The following FSTL4 variants were observed in gnomAD, a reference collection of about 807,000 sequenced individuals.
The protein encoded by FSTL4 is follistatin like 4, also known as follistatin-related protein 4.
FSTL4 carries 28 observed loss-of-function variants against 78.2 expected under a neutral mutation model. The observed-to-expected ratio is 0.36, with a 90% CI of 0.27 to 0.49. The LOEUF is 0.49. Among genes scored for constraint, FSTL4 ranks in the 20% least tolerant of loss-of-function variants. The pLI is 0.98. For missense variants in FSTL4, 922 were observed against 1,084.9 expected, an observed-to-expected ratio of 0.85 and a Z score of 2.11; for synonymous variants, 422 against 440.5, an observed-to-expected ratio of 0.96 and a Z score of 0.53.
At chr5:133,556,719 C>G (rs1043613103) in intron 3 of FSTL4, among the ~76,000 whole-genome samples, 6 of 152,076 alleles carry the variant, frequency 3.9e-5, no homozygotes, top group Admixed American at 6.6e-5. Flanking sequence ...GAGGTCCATC[C>G]CCCATCCTGT....
At chr5:133,838,145 C>T in the FSTL4 span, among the ~76,000 whole-genome samples, 2 of 152,178 alleles carry the variant, frequency 1.3e-5, no homozygotes. Flanking sequence ...CACTCAGCCT[C>T]CCAAAGTGCC....
At chr5:133,540,371 C>A (rs1316158033) in intron 3 of FSTL4, among the ~76,000 whole-genome samples, 1 of 152,050 alleles carries the variant, frequency 6.6e-6, no homozygotes, top group Admixed American at 6.6e-5. Flanking sequence ...TCAAGATAAA[C>A]CCTACCATTT....
intron 6 of FSTL4, among the ~76,000 whole-genome samples, chr5:133,304,835 G>A (rs1196776121): frequency 6.6e-6 from 1 of 152,176 alleles, no homozygotes; most frequent in Non-Finnish European, 1.5e-5. Flanking sequence ...TGTAATGGGG[G>A]ACAGAGATTG....
At chr5:133,531,472 G>C (rs1235194574) in intron 3 of FSTL4, among the ~76,000 whole-genome samples, 1 of 152,186 alleles carries the variant, frequency 6.6e-6, no homozygotes, top group Non-Finnish European at 1.5e-5. Flanking sequence ...CTGAGGGCCA[G>C]AGCTGAGTGT....
intron 3 of FSTL4, among the ~76,000 whole-genome samples, chr5:133,403,389 C>G (rs1756282259): frequency 6.6e-6 from 1 of 152,178 alleles, no homozygotes. Context: ...GCTACCAGCC[C>G]AAGTCCAAGT....
chr5:133,409,979 G>A (rs1000759080), intron 3 of FSTL4, among the ~76,000 whole-genome samples: 12 of 152,182 alleles, frequency 7.9e-5, no homozygotes, highest in Admixed American at 3.3e-4. Flanking sequence ...TCCCACATCT[G>A]TGAATTGAGG....
At chr5:133,321,967 C>G (rs1404441523) in intron 4 of FSTL4, among the ~76,000 whole-genome samples, 2 of 152,222 alleles carry the variant, frequency 1.3e-5, no homozygotes, top group African/African-American at 4.8e-5. Context: ...AGTGTTTTCT[C>G]TGAGTCTTGC....
intron 3 of FSTL4, among the ~76,000 whole-genome samples, chr5:133,459,754 AGGCTTT>A (rs71581363): frequency 0.28 from 42,379 of 151,882 alleles, 6,315 homozygotes; most frequent in East Asian, 0.46. Flanking sequence ...GCGTCAACTC[AGGCTTT>A]GGGAAGTGAA....
At chr5:133,684,910 C>T in the FSTL4 span, among the ~76,000 whole-genome samples, 4 of 152,274 alleles carry the variant, frequency 2.6e-5, no homozygotes, top group South Asian at 6.2e-4. Flanking sequence ...TGCTTCTTTC[C>T]AAAGAGAAGC....
At chr5:133,235,582 C>A (rs1751636160) in intron 7 of FSTL4, among the ~76,000 whole-genome samples, 1 of 150,844 alleles carries the variant, frequency 6.6e-6, no homozygotes, top group Admixed American at 6.6e-5. Context: ...TGGGGTAGGG[C>A]AAAGGCAGGA....
intron 3 of FSTL4, among the ~76,000 whole-genome samples, chr5:133,533,810 C>T (rs746136513): frequency 1.8e-4 from 27 of 152,114 alleles, no homozygotes; most frequent in Admixed American, 6.5e-4. Flanking sequence ...GATCTAAGTG[C>T]CCCTGAGGAG....
At position 133,239,833 on chromosome 5, in the gene FSTL4, T is replaced by G. The variant is rs149487434; in HGVS notation, c.895-6296A>C. On this transcript the variant is annotated intron_variant, in intron 7 of 15. Transcript: ENST00000265342. ...ACCGTGGAGAACTTTTGTGTCTAGC[T>G]CAGGGATTATAAACGCACCAATCAG... Among the ~76,000 whole-genome samples the G allele has an allele frequency of 8.1e-3, 1,231 of 152,262 alleles. 13 individuals carry two copies. Among genetic ancestry groups the G allele is most frequent in the African/African-American group, 0.028 (1,174 of 41,534 alleles).
At chr5:133,457,528 T>C (rs1436010003) in intron 3 of FSTL4, among the ~76,000 whole-genome samples, 2 of 152,246 alleles carry the variant, frequency 1.3e-5, no homozygotes, top group African/African-American at 4.8e-5. Flanking sequence ...CTTTATCCAA[T>C]GCCTTTCCTT....
chr5:133,699,880 C>CAAAAA, the FSTL4 span, among the ~76,000 whole-genome samples: 63 of 62,264 alleles, frequency 1.0e-3, 2 homozygotes, highest in African/African-American at 1.8e-3. Flanking sequence ...GACTCCATCT[C>CAAAAA]AAAAAAAAAA....
intron 13 of FSTL4, among the ~76,000 whole-genome samples, chr5:133,215,784 G>C (rs967067829): frequency 1.3e-5 from 2 of 152,184 alleles, no homozygotes; most frequent in African/African-American, 4.8e-5. Context: ...TGCATTTCTT[G>C]TATCCCTTGG....
the FSTL4 span, among the ~76,000 whole-genome samples, chr5:133,738,375 A>G: frequency 1.3e-5 from 2 of 152,222 alleles, no homozygotes; most frequent in Non-Finnish European, 2.9e-5. Flanking sequence ...ACTTGTGAAG[A>G]GTGTAGAGCA....
At chr5:133,492,549 A>C (rs1758287986) in intron 3 of FSTL4, among the ~76,000 whole-genome samples, 1 of 152,178 alleles carries the variant, frequency 6.6e-6, no homozygotes, top group Non-Finnish European at 1.5e-5. Context: ...TCTGGCTTCC[A>C]TTGTTGCTAA....
intron 6 of FSTL4, among the ~76,000 whole-genome samples, chr5:133,254,286 T>C (rs568581581): frequency 6.6e-6 from 1 of 152,300 alleles, no homozygotes; most frequent in South Asian, 2.1e-4. Flanking sequence ...TGTTTCTGTA[T>C]GTGGGATCCC....
At chr5:133,517,294 G>A (rs1758873468) in intron 3 of FSTL4, among the ~76,000 whole-genome samples, 1 of 148,944 alleles carries the variant, frequency 6.7e-6, no homozygotes, top group Admixed American at 6.7e-5. Context: ...ATAGTGGCAG[G>A]TGCCTATATT....
Sources: allele counts gnomAD v4.1 joint callset (sites outside exome capture counted in the v4.1 genomes callset), GRCh38; gene constraint gnomAD v4.1.1; transcripts MANE v1.5; gene names NCBI Gene and HGNC (gene_info 2026-07-23, HGNC 2026-07-21).